The following FBN1 variants were observed in gnomAD, a reference collection of about 807,000 sequenced individuals.
FBN1 encodes fibrillin 1.
Under a neutral mutation model 365.1 loss-of-function variants are expected in FBN1, and 29 were observed. That is an observed-to-expected ratio of 0.08 (90% CI 0.06 to 0.11). The LOEUF is 0.11. FBN1 is among the 10% of genes least tolerant of loss of function. FBN1 has a pLI of 1.00. For synonymous variants in FBN1, 1,210 were observed against 1,270.5 expected, an observed-to-expected ratio of 0.95 and a Z score of 1.01; for missense variants, 2,476 against 3,703.2, an observed-to-expected ratio of 0.67 and a Z score of 8.60.
At chr15:48,433,104 A>G (rs1036771390) in intron 54 of FBN1, 116 bp from the exon 55 acceptor site, 1 of 1,064,500 alleles carries the variant, frequency 9.4e-7, no homozygotes, top group African/African-American at 1.5e-5. Flanking sequence ...ATTGTCATAA[A>G]CATGGATGGA....
Position 48,408,855 on chromosome 15 carries a change from A to G in FBN1, c.*2135T>C, listed in dbSNP as rs758726224. The G allele has an allele frequency of 2.6e-5, 4 of 152,566 alleles. No homozygotes were observed. Among genetic ancestry groups the G allele is most frequent in the African/African-American group, 4.8e-5 (2 of 41,458 alleles). The allele number at this position is 152,566 out of a possible 1,614,324, so 9.5% of individuals were successfully genotyped here. A position where few individuals can be genotyped will look rare whatever the true frequency, so the allele number is the denominator to read the frequency against. ...TCCCCTGTTGTTTGTTATAAAGAAA[A>G]TCCGTTATTGAATATAATGCAGTTC... On this transcript the variant is annotated 3_prime_UTR_variant, in exon 66 of 66. Coordinates refer to ENST00000316623, the MANE Select transcript of FBN1 (RefSeq NM_000138.5).
At chr15:48,644,396 C>T in intron 2 of FBN1, 2 of 685,760 alleles carry the variant, frequency 2.9e-6, no homozygotes, top group Non-Finnish European at 5.0e-6. Context: ...TCCATTTAAC[C>T]ACGTCCTCTC....
At chr15:48,624,158 G>A (rs1010977606) in intron 2 of FBN1, among the ~76,000 whole-genome samples, 4 of 152,132 alleles carry the variant, frequency 2.6e-5, no homozygotes, top group African/African-American at 9.7e-5. Context: ...AAAGCCATGG[G>A]ATGCACTCTA....
At position 48,437,362 on chromosome 15, in the gene FBN1, A is replaced by G. The variant is rs267606797; in HGVS notation, c.6339T>C (p.Tyr2113=). The change falls in exon 52 of 66, where the codon TAT becomes TAC. Residue 2113 remains tyrosine, a synonymous_variant. Transcript: ENST00000316623. ...CAGGTCCCACGATGATCCCACTTCC[A>G]TAAGGACATATCTGGCGGAAGGCCT... ...PDEAFRQICP[Y]GSGIIVGPDD... The G allele has an allele frequency of 3.7e-6, 6 of 1,613,486 alleles. No homozygotes were observed. The highest frequency in any genetic ancestry group is 2.7e-5 in the African/African-American group (2 of 74,898).
chr15:48,433,275 A>G (rs1429002134), intron 54 of FBN1, among the ~76,000 whole-genome samples: 3 of 152,188 alleles, frequency 2.0e-5, no homozygotes, highest in Admixed American at 1.3e-4. Context: ...ATGGGAAATT[A>G]CAGGCCACCC....
At chr15:48,584,070 T>C (rs558092318) in intron 6 of FBN1, among the ~76,000 whole-genome samples, 2 of 152,346 alleles carry the variant, frequency 1.3e-5, no homozygotes, top group African/African-American at 4.8e-5. Context: ...ATACTGTTAA[T>C]GAAATGATAC....
At chr15:48,526,756 G>T (rs929640378) in intron 8 of FBN1, among the ~76,000 whole-genome samples, 1 of 152,176 alleles carries the variant, frequency 6.6e-6, no homozygotes, top group South Asian at 2.1e-4. Context: ...GGTGTTCTCA[G>T]TGGCACCCAA....
intron 43 of FBN1, among the ~76,000 whole-genome samples, chr15:48,458,506 T>C (rs1156387027): frequency 1.3e-5 from 2 of 152,210 alleles, no homozygotes; most frequent in East Asian, 1.9e-4. Context: ...CAACTGTGTA[T>C]CATAAGTAAA....
intron 2 of FBN1, among the ~76,000 whole-genome samples, chr15:48,628,536 T>A (rs373432749): frequency 6.6e-6 from 1 of 152,192 alleles, no homozygotes; most frequent in African/African-American, 2.4e-5. Flanking sequence ...TTTGCAGAAT[T>A]ATTTTCTTCC....
At chr15:48,581,249 A>G (rs2044389837) in intron 6 of FBN1, among the ~76,000 whole-genome samples, 1 of 152,194 alleles carries the variant, frequency 6.6e-6, no homozygotes. Flanking sequence ...CTAAATTTCC[A>G]GTAGTTTTTA....
intron 41 of FBN1, among the ~76,000 whole-genome samples, chr15:48,463,578 G>T (rs1013162349): frequency 1.3e-5 from 2 of 152,188 alleles, no homozygotes; most frequent in Non-Finnish European, 2.9e-5. Flanking sequence ...TTTCCGACTC[G>T]TGATGTTTTA....
intron 63 of FBN1, among the ~76,000 whole-genome samples, chr15:48,418,131 A>G (rs2042915659): frequency 6.6e-6 from 1 of 152,252 alleles, no homozygotes. Flanking sequence ...TATAGCAAAA[A>G]AAGACATTTC....
chr15:48,445,030 G>A (rs2043142592), intron 48 of FBN1, among the ~76,000 whole-genome samples: 1 of 150,524 alleles, frequency 6.6e-6, no homozygotes. Context: ...GAGCAATTTA[G>A]CAATTTCACT....
At chr15:48,556,032 C>T (rs972083887) in intron 6 of FBN1, among the ~76,000 whole-genome samples, 2 of 152,180 alleles carry the variant, frequency 1.3e-5, no homozygotes, top group African/African-American at 4.8e-5. Context: ...CTAACCTCCA[C>T]AAATACCTTT....
chr15:48,583,035 C>A (rs1001975065), intron 6 of FBN1, among the ~76,000 whole-genome samples: 1 of 152,214 alleles, frequency 6.6e-6, no homozygotes, highest in East Asian at 1.9e-4. Flanking sequence ...AGTCACAGCA[C>A]CACTGCACAC....
intron 6 of FBN1, among the ~76,000 whole-genome samples, chr15:48,552,366 G>A (rs574011905): frequency 9.3e-5 from 14 of 150,518 alleles, no homozygotes; most frequent in Non-Finnish European, 1.8e-4. Context: ...TCAACCTCCT[G>A]GGCTCAAGCA....
intron 49 of FBN1, among the ~76,000 whole-genome samples, chr15:48,442,806 C>A (rs1383005238): frequency 1.3e-5 from 2 of 152,202 alleles, no homozygotes; most frequent in African/African-American, 2.4e-5. Flanking sequence ...TGACTTTCAG[C>A]AGGAATTTTT....
chr15:48,449,711 CTG>C (rs2043185967), intron 45 of FBN1, among the ~76,000 whole-genome samples: 1 of 152,172 alleles, frequency 6.6e-6, no homozygotes, highest in Admixed American at 6.6e-5. Flanking sequence ...TTGAAGAGCA[CTG>C]TGCCATTCTG....
At chr15:48,586,318 G>C (rs992690605) in intron 6 of FBN1, among the ~76,000 whole-genome samples, 1 of 149,252 alleles carries the variant, frequency 6.7e-6, no homozygotes, top group Non-Finnish European at 1.5e-5. Flanking sequence ...AAGTTGCATA[G>C]AAACTGATGG....
Sources: allele counts gnomAD v4.1 joint callset (sites outside exome capture counted in the v4.1 genomes callset), GRCh38; gene constraint gnomAD v4.1.1; transcripts MANE v1.5; gene names NCBI Gene and HGNC (gene_info 2026-07-23, HGNC 2026-07-21).